USO1: variants seen among roughly 807,000 people sequenced by gnomAD.
The protein encoded by USO1 is USO1 vesicle transport factor, also known as general vesicular transport factor p115.
In USO1, 57 loss-of-function variants were observed where a neutral mutation model predicts 124.5. The observed-to-expected ratio is 0.46, with a 90% CI of 0.37 to 0.57. The LOEUF (loss-of-function observed/expected upper bound fraction) is 0.57, where lower values mean the gene tolerates loss of function less well. Among genes scored for constraint, USO1 ranks in the 20% least tolerant of loss-of-function variants. USO1 has a pLI of 0.00. For synonymous variants in USO1, 369 were observed against 362.8 expected (o/e 1.02, Z -0.19); for missense variants, 900 against 1,040.6 (o/e 0.86, Z 1.86).
chr4:75,775,115 A>G (rs1429913924), intron 8 of USO1, among the ~76,000 whole-genome samples: 1 of 152,164 alleles, frequency 6.6e-6, no homozygotes, highest in Non-Finnish European at 1.5e-5. Flanking sequence ...TAGGGAGTTG[A>G]GTTGAAGGCA....
chr4:75,762,408 C>T (rs1721638043), intron 4 of USO1, among the ~76,000 whole-genome samples: 1 of 151,822 alleles, frequency 6.6e-6, no homozygotes, highest in Non-Finnish European at 1.5e-5. Context: ...ATGATCCGCC[C>T]TTCTTGGCCT....
intron 1 of USO1, among the ~76,000 whole-genome samples, chr4:75,725,461 AT>A (rs1186035666): frequency 1.3e-5 from 2 of 152,046 alleles, no homozygotes; most frequent in Non-Finnish European, 2.9e-5. Flanking sequence ...GCCTGGTGTT[AT>A]TTGTTCAGAT....
intron 9 of USO1, among the ~76,000 whole-genome samples, chr4:75,783,463 A>T (rs749664449): frequency 5.3e-5 from 8 of 152,256 alleles, no homozygotes; most frequent in African/African-American, 4.8e-5. Flanking sequence ...TTTCCTCATC[A>T]GAGAAAATTT....
In USO1 at chr4:75,770,814, C is replaced by T. The variant is rs755565855; in HGVS notation, c.397-8C>T. The stretch of plus-strand genomic sequence containing the variant: ...AGATGTTAAATATTTTGAATTCTTA[C>T]ATTGCAGGAGTTTGATTTCCATGTC... On this transcript the variant is annotated splice_region_variant and splice_polypyrimidine_tract_variant and intron_variant, in intron 5 of 23. Transcript: ENST00000514213. 4 of 1,596,042 alleles carry T rather than the reference C, an allele frequency of 2.5e-6. No homozygotes were observed. The highest frequency in any genetic ancestry group is 3.4e-6 in the Non-Finnish European group (4 of 1,175,620).
intron 7 of USO1, among the ~76,000 whole-genome samples, chr4:75,774,247 A>G (rs189584764): frequency 1.0e-3 from 158 of 152,298 alleles, no homozygotes; most frequent in African/African-American, 3.6e-3. Context: ...AACTTTCTCT[A>G]CTAGACTGTG....
At chr4:75,784,650 G>A (rs920302311) in intron 9 of USO1, among the ~76,000 whole-genome samples, 17 of 151,990 alleles carry the variant, frequency 1.1e-4, no homozygotes, top group South Asian at 2.1e-4. Flanking sequence ...TTATCAGCCC[G>A]GTGTGGTGGT....
intron 17 of USO1, among the ~76,000 whole-genome samples, chr4:75,802,736 C>CTTTTTT (rs997798305): frequency 4.6e-3 from 290 of 63,728 alleles, no homozygotes; most frequent in African/African-American, 0.013. Flanking sequence ...TTTTTCTTTT[C>CTTTTTT]TTTTTTTTTT....
At chr4:75,788,236 C>T (rs1223675291) in intron 10 of USO1, among the ~76,000 whole-genome samples, 2 of 147,232 alleles carry the variant, frequency 1.4e-5, no homozygotes. Flanking sequence ...GGCATGATCT[C>T]AGCTCACTGC....
At chr4:75,728,455 A>G (rs187209518) in intron 1 of USO1, among the ~76,000 whole-genome samples, 2 of 152,308 alleles carry the variant, frequency 1.3e-5, no homozygotes, top group African/African-American at 4.8e-5. Context: ...TCTGGAGTCA[A>G]GCACATTTTT....
intron 1 of USO1, among the ~76,000 whole-genome samples, chr4:75,727,095 GTTA>G (rs905349730): frequency 3.0e-4 from 45 of 152,260 alleles, no homozygotes; most frequent in African/African-American, 1.0e-3. Context: ...TCCTGTTTTT[GTTA>G]TTATTGGCCT....
intron 4 of USO1, among the ~76,000 whole-genome samples, chr4:75,769,305 A>G (rs1011531001): frequency 1.3e-5 from 2 of 152,214 alleles, no homozygotes; most frequent in Admixed American, 6.5e-5. Flanking sequence ...AGAGATGATT[A>G]AGAGAAATAT....
intron 1 of USO1, among the ~76,000 whole-genome samples, chr4:75,737,991 C>A (rs1428163342): frequency 2.0e-5 from 3 of 151,472 alleles, no homozygotes; most frequent in Non-Finnish European, 4.4e-5. Flanking sequence ...TCACACCCAG[C>A]CAATTTTTCA....
At chr4:75,732,017 C>G (rs910645587) in intron 1 of USO1, among the ~76,000 whole-genome samples, 1 of 152,034 alleles carries the variant, frequency 6.6e-6, no homozygotes, top group Non-Finnish European at 1.5e-5. Context: ...TATTTTTTCC[C>G]CATAACTTTA....
chr4:75,779,460 A>G (rs994955839), intron 8 of USO1, among the ~76,000 whole-genome samples: 4 of 152,380 alleles, frequency 2.6e-5, no homozygotes, highest in Admixed American at 2.6e-4. Flanking sequence ...AAGAAAATTA[A>G]AAGTTCTACA....
At chr4:75,800,097 G>A (rs561375501) in intron 14 of USO1, among the ~76,000 whole-genome samples, 10 of 152,030 alleles carry the variant, frequency 6.6e-5, no homozygotes, top group Middle Eastern at 3.4e-3. Flanking sequence ...ACAGGTGTGC[G>A]CAACCACAAC....
At chr4:75,792,545 A>T (rs1722561914) in intron 12 of USO1, among the ~76,000 whole-genome samples, 1 of 152,022 alleles carries the variant, frequency 6.6e-6, no homozygotes, top group Non-Finnish European at 1.5e-5. Context: ...CTCAAAAAAA[A>T]TACTAGCCAG....
chr4:75,767,506 A>G, intron 4 of USO1: 1 of 412,994 alleles, frequency 2.4e-6, no homozygotes, highest in Non-Finnish European at 4.7e-6. Flanking sequence ...GCACTTTGGG[A>G]GGCCAAGGCA....
intron 1 of USO1, among the ~76,000 whole-genome samples, chr4:75,728,102 G>A (rs1048022298): frequency 2.6e-5 from 4 of 152,096 alleles, no homozygotes; most frequent in Non-Finnish European, 5.9e-5. Context: ...TACGTTACTA[G>A]GTACTAAAAC....
intron 1 of USO1, among the ~76,000 whole-genome samples, chr4:75,730,725 T>C (rs1399202158): frequency 6.6e-6 from 1 of 152,156 alleles, no homozygotes; most frequent in East Asian, 1.9e-4. Context: ...GTTGTAGGTA[T>C]AGTAAAGTTA....
Sources: gnomAD v4.1 joint callset for allele counts (sites outside exome capture counted in the v4.1 genomes callset) on GRCh38, gnomAD v4.1.1 for gene constraint, MANE v1.5 for transcripts, NCBI Gene and HGNC (gene_info 2026-07-23, HGNC 2026-07-21) for gene names.